SLC25A26: variants seen among roughly 807,000 people sequenced by gnomAD.
SLC25A26 encodes the protein mitochondrial S-adenosylmethionine carrier protein.
In SLC25A26, 36 loss-of-function variants were observed where a neutral mutation model predicts 37.8. The ratio of observed to expected loss-of-function variants is 0.95; its 90% CI spans 0.73 to 1.26. The LOEUF (loss-of-function observed/expected upper bound fraction) is 1.26, where lower values mean the gene tolerates loss of function less well. Ranked by LOEUF, SLC25A26 falls within the 50% of genes most tolerant of loss-of-function variation. The pLI is 0.00. For missense variants in SLC25A26, 390 were observed against 331.1 expected (o/e 1.18, Z -1.38); for synonymous variants, 129 against 122.5 (o/e 1.05, Z -0.35).
chr3:66,341,629 T>C (rs1274670749), intron 5 of SLC25A26, among the ~76,000 whole-genome samples: 8 of 152,212 alleles, frequency 5.3e-5, no homozygotes, highest in Non-Finnish European at 1.0e-4. Context: ...TTCACACTCA[T>C]CTGCTTTTCT....
intron 9 of SLC25A26, among the ~76,000 whole-genome samples, chr3:66,375,343 G>A (rs191558535): frequency 4.2e-4 from 64 of 152,316 alleles, no homozygotes; most frequent in African/African-American, 1.4e-3. Context: ...TAAGATCATC[G>A]ATGAAGGCAC....
In SLC25A26 at chr3:66,211,130, T is replaced by C. The variant is rs1037595817; in HGVS notation, c.-353-9612T>C. Among the ~76,000 whole-genome samples, 84 of 152,208 alleles carry C rather than the reference T, an allele frequency of 5.5e-4. 1 individual carries two copies. Among genetic ancestry groups the C allele is most frequent in the Non-Finnish European group, 1.9e-4 (13 of 68,046 alleles). ...TCTGAGAAATGACAAAACAAATGTA[T>C]TCACTCATCTTTTACAAGAGATCCT... On this transcript the variant is annotated intron_variant, in intron 1 of 10. Transcript: ENST00000676754.
intron 5 of SLC25A26, among the ~76,000 whole-genome samples, chr3:66,327,571 A>C (rs1241793612): frequency 6.6e-6 from 1 of 152,180 alleles, no homozygotes; most frequent in Non-Finnish European, 1.5e-5. Context: ...TATTCATTGC[A>C]ATGTAAATAA....
chr3:66,314,016 G>T (rs145654490), intron 5 of SLC25A26, among the ~76,000 whole-genome samples: 1,949 of 152,228 alleles, frequency 0.013, 46 homozygotes, highest in African/African-American at 0.043. Context: ...TAAGAAGCTT[G>T]TGGGCTGAGA....
chr3:66,264,384 C>T (rs536520446), intron 5 of SLC25A26, among the ~76,000 whole-genome samples: 4 of 152,100 alleles, frequency 2.6e-5, no homozygotes, highest in Non-Finnish European at 5.9e-5. Flanking sequence ...AGACAGGGAC[C>T]CCAACCCCAG....
chr3:66,166,567 A>G (rs1213195486), intron 1 of SLC25A26, among the ~76,000 whole-genome samples: 1 of 152,218 alleles, frequency 6.6e-6, no homozygotes, highest in Middle Eastern at 3.2e-3. Context: ...TCGGGTAGAG[A>G]TTTGAGGCAT....
At chr3:66,202,509 A>G (rs2071124214) in intron 1 of SLC25A26, among the ~76,000 whole-genome samples, 1 of 148,426 alleles carries the variant, frequency 6.7e-6, no homozygotes, top group South Asian at 2.1e-4. Flanking sequence ...CTACACATGT[A>G]TCCGAGAACT....
chr3:66,324,179 TGTGTGTGTGTG>T (rs1357047806), intron 5 of SLC25A26: 1 of 20,664 alleles, frequency 4.8e-5, no homozygotes, highest in African/African-American at 6.5e-4. Flanking sequence ...TGTTAAAAAG[TGTGTGTGTGTG>T]TGTGTGTGTG....
At position 66,278,341 on chromosome 3, in the gene SLC25A26, A is replaced by T. The variant is rs935896758; in HGVS notation, c.453+14962A>T. 3.3e-5 allele frequency among the ~76,000 whole-genome samples: 5 copies of T among 152,162 alleles called. No homozygotes were observed. The East Asian group carries it at 9.6e-4, about 29-fold the overall frequency. ...TTGTATTAAAATAATATATGCAATT[A>T]GTAACAACCCAAATAATGTAGAAGG... is the stretch of plus-strand genomic sequence containing the variant. On this transcript the variant is annotated intron_variant, in intron 5 of 9. Transcript: ENST00000354883.
At chr3:66,194,961 G>T (rs2071019612) in intron 1 of SLC25A26, among the ~76,000 whole-genome samples, 1 of 152,166 alleles carries the variant, frequency 6.6e-6, no homozygotes, top group African/African-American at 2.4e-5. Context: ...TCCCCACCCA[G>T]CCACTCACCC....
chr3:66,247,002 C>G (rs527539157), intron 3 of SLC25A26, among the ~76,000 whole-genome samples: 9 of 152,206 alleles, frequency 5.9e-5, no homozygotes, highest in Non-Finnish European at 8.8e-5. Context: ...GCTGGGACTA[C>G]AGGCACCCGC....
intron 1 of SLC25A26, among the ~76,000 whole-genome samples, chr3:66,196,250 A>C (rs1162971429): frequency 2.6e-5 from 4 of 152,216 alleles, no homozygotes; most frequent in African/African-American, 9.6e-5. Flanking sequence ...TAAAATTTTG[A>C]AAAGGCAAAA....
At chr3:66,304,290 A>G (rs1025437465) in intron 5 of SLC25A26, among the ~76,000 whole-genome samples, 1 of 152,150 alleles carries the variant, frequency 6.6e-6, no homozygotes, top group African/African-American at 2.4e-5. Context: ...TACATCAGGG[A>G]GTGGGAATCT....
chr3:66,195,003 T>C (rs1317085105), intron 1 of SLC25A26, among the ~76,000 whole-genome samples: 9 of 152,030 alleles, frequency 5.9e-5, no homozygotes, highest in Middle Eastern at 6.8e-3. Context: ...GGGAGGGAGG[T>C]GAAACAGAGC....
chr3:66,370,231 T>C (rs1355163071), intron 8 of SLC25A26, among the ~76,000 whole-genome samples: 1 of 152,258 alleles, frequency 6.6e-6, no homozygotes, highest in Non-Finnish European at 1.5e-5. Flanking sequence ...CCCGCCCTCC[T>C]CACATTGCTT....
intron 3 of SLC25A26, among the ~76,000 whole-genome samples, chr3:66,257,388 G>T (rs904580937): frequency 4.6e-5 from 7 of 152,100 alleles, no homozygotes; most frequent in African/African-American, 1.7e-4. Flanking sequence ...TGGAAGGCCA[G>T]GGAAACACCT....
chr3:66,183,754 C>T (rs920903645), intron 1 of SLC25A26, among the ~76,000 whole-genome samples: 7 of 152,064 alleles, frequency 4.6e-5, no homozygotes, highest in South Asian at 2.1e-4. Context: ...CTCACCATGA[C>T]CTGAGCTTGA....
chr3:66,291,190 T>C lies in SLC25A26; in HGVS notation c.453+27811T>C, dbSNP rs540142207. On this transcript the variant is annotated intron_variant, in intron 5 of 9. Transcript: ENST00000354883. ...CTTTATCACTTTTTATTGTGTCTGTTTGATTCTTCTCTCTTTTCTTCTTTA... is the reference window on the plus strand; with the variant it reads ...CTTTATCACTTTTTATTGTGTCTGTCTGATTCTTCTCTCTTTTCTTCTTTA... 7.2e-4 allele frequency among the ~76,000 whole-genome samples: 110 copies of C among 152,344 alleles called. No individual in the cohort carries two copies. In the Middle Eastern group the frequency reaches 0.01, roughly 14 times the overall value.
chr3:66,345,482 C>G (rs2076299053), intron 5 of SLC25A26, among the ~76,000 whole-genome samples: 1 of 151,100 alleles, frequency 6.6e-6, no homozygotes, highest in Non-Finnish European at 1.5e-5. Flanking sequence ...GTCTTCTGTC[C>G]TCCTCCTCTC....
Sources: allele counts gnomAD v4.1 joint callset (sites outside exome capture counted in the v4.1 genomes callset), GRCh38; gene constraint gnomAD v4.1.1; transcripts MANE v1.5; gene names NCBI Gene and HGNC (gene_info 2026-07-23, HGNC 2026-07-21).